The following LRBA variants were observed in gnomAD, a reference collection of about 807,000 sequenced individuals.
The protein encoded by LRBA is lipopolysaccharide-responsive and beige-like anchor protein.
LRBA carries 176 observed loss-of-function variants against 330.0 expected under a neutral mutation model. That is an observed-to-expected ratio of 0.53 (90% CI 0.47 to 0.60). LRBA has a LOEUF of 0.60. LRBA is among the 20% of genes least tolerant of loss of function. The pLI is 0.00. For missense variants in LRBA, 3,259 were observed against 3,444.8 expected (o/e 0.95, Z 1.35); for synonymous variants, 1,230 against 1,193.0 (o/e 1.03, Z -0.64).
chr4:150,952,669 G>A (rs1405248063), intron 2 of LRBA, among the ~76,000 whole-genome samples: 2 of 151,988 alleles, frequency 1.3e-5, no homozygotes, highest in African/African-American at 4.8e-5. Flanking sequence ...TGGGCGGGGT[G>A]GAGAGGGTTT....
At chr4:150,707,073 AG>A (rs1785700274) in intron 36 of LRBA, among the ~76,000 whole-genome samples, 3 of 151,774 alleles carry the variant, frequency 2.0e-5, no homozygotes, top group Admixed American at 2.0e-4. Flanking sequence ...ATACAAAGAA[AG>A]ATAGGAATAT....
intron 37 of LRBA, among the ~76,000 whole-genome samples, chr4:150,646,284 GATAA>G (rs1779130139): frequency 2.0e-5 from 3 of 152,118 alleles, no homozygotes; most frequent in Middle Eastern, 6.8e-3. Flanking sequence ...CAACGAGAAG[GATAA>G]ATAACAGTTA....
At chr4:150,506,005 C>T (rs1360435491) in intron 40 of LRBA, among the ~76,000 whole-genome samples, 2 of 152,200 alleles carry the variant, frequency 1.3e-5, no homozygotes, top group African/African-American at 4.8e-5. Flanking sequence ...TCGACACATA[C>T]ATCCTCCCAA....
rs535411671 is a variant in LRBA at position 150,630,083 on chromosome 4, G to C, written c.5922-30952C>G. Among the ~76,000 whole-genome samples, 5 of 152,264 alleles carry C rather than the reference G, an allele frequency of 3.3e-5. No individual in the cohort carries two copies. The South Asian group carries it at 1.0e-3, about 32-fold the overall frequency. On this transcript the variant is annotated intron_variant, in intron 37 of 56. Coordinates refer to ENST00000651943, the MANE Select transcript of LRBA (RefSeq NM_001364905.1). Reference sequence around the variant, plus strand: ...ACAGAATCACCCAAGCACAAAGCCTGTATATCATCTTTGAACCCTCCCTCT... The same window carrying C: ...ACAGAATCACCCAAGCACAAAGCCTCTATATCATCTTTGAACCCTCCCTCT...
chr4:150,680,641 TTTGGTC>T (rs1238628663), intron 37 of LRBA, among the ~76,000 whole-genome samples: 1 of 152,210 alleles, frequency 6.6e-6, no homozygotes, highest in East Asian at 1.9e-4. Flanking sequence ...GCAGATTTCA[TTTGGTC>T]TCTTTAGATG....
intron 35 of LRBA, among the ~76,000 whole-genome samples, chr4:150,747,388 C>G (rs961216967): frequency 7.9e-5 from 12 of 152,188 alleles, no homozygotes; most frequent in African/African-American, 2.7e-4. Flanking sequence ...ACAAATCTGT[C>G]TTCCATTTGA....
chr4:150,361,671 G>A (rs946246950), intron 47 of LRBA, among the ~76,000 whole-genome samples: 5 of 152,022 alleles, frequency 3.3e-5, no homozygotes, highest in African/African-American at 7.3e-5. Context: ...CTCTGCCTCT[G>A]GTATAACCCA....
chr4:150,456,627 T>A (rs1031570008), intron 44 of LRBA, among the ~76,000 whole-genome samples: 1 of 152,122 alleles, frequency 6.6e-6, no homozygotes, highest in African/African-American at 2.4e-5. Flanking sequence ...CTGTGGCTTG[T>A]CTCTTCAGTT....
At position 150,844,177 on chromosome 4, in the gene LRBA, A is replaced by T; in HGVS notation, c.4492T>A (p.Ser1498Thr). The T allele has an allele frequency of 6.2e-7, 1 of 1,609,236 alleles. No homozygotes were observed. Among genetic ancestry groups the T allele is most frequent in the Non-Finnish European group, 8.5e-7 (1 of 1,176,472 alleles). ...AGCCTGTCAAGATCTCTTACTGGAG[A>T]TATACCGCCAGTCACAATGTCCACT... Reference protein sequence around the residue: ...SPVDIVTGGISPVRDLDRLLQ... With the variant: ...SPVDIVTGGITPVRDLDRLLQ... Residue 1498 changes from serine (S) to threonine (T), a missense_variant, in exon 28 of 57, where the codon TCT (serine) becomes ACT (threonine). By Grantham distance (58) the Ser-to-Thr change is moderately conservative. Coordinates refer to ENST00000651943, the MANE Select transcript of LRBA (RefSeq NM_001364905.1).
intron 34 of LRBA, among the ~76,000 whole-genome samples, chr4:150,767,675 G>A (rs1735948255): frequency 6.6e-6 from 1 of 150,950 alleles, no homozygotes; most frequent in East Asian, 2.0e-4. Flanking sequence ...GGAGAATGGC[G>A]TGAACCCGGG....
At chr4:150,387,668 G>C (rs1044069960) in intron 47 of LRBA, among the ~76,000 whole-genome samples, 3 of 152,062 alleles carry the variant, frequency 2.0e-5, no homozygotes, top group Non-Finnish European at 4.4e-5. Context: ...AATTCTATAA[G>C]AATTCAAGGG....
intron 16 of LRBA, among the ~76,000 whole-genome samples, chr4:150,894,506 T>C (rs1047651396): frequency 6.6e-6 from 1 of 152,218 alleles, no homozygotes; most frequent in Non-Finnish European, 1.5e-5. Context: ...CATATACCAA[T>C]ATGTATGCAT....
rs763165188 is a variant in LRBA, at chr4:150,683,630, C to T, written c.5842G>A (p.Val1948Met). 1.5e-5 allele frequency: 24 copies of T among 1,613,196 alleles called. No individual in the cohort carries two copies. The highest frequency in any genetic ancestry group is 2.2e-5 in the East Asian group (1 of 44,870). The change falls in exon 37 of 57, where the codon GTG becomes ATG. Residue 1948 changes from valine (V) to methionine (M), a missense_variant. Coordinates refer to ENST00000651943, the MANE Select transcript of LRBA (RefSeq NM_001364905.1). ...TTCTGGATTAGTTGAGTTGCTGTCA[C>T]GTGGTCACGATATTTTGCTGCTCTT... The part of the protein sequence containing the change: ...LIRAAKYRDH[V>M]TATQLIQKII...
chr4:150,612,795 A>C (rs906488767), intron 37 of LRBA, among the ~76,000 whole-genome samples: 1 of 152,232 alleles, frequency 6.6e-6, no homozygotes, highest in Non-Finnish European at 1.5e-5. Context: ...AAAATAAGCA[A>C]ACAAAAAATT....
At chr4:150,769,486 G>A (rs1578724152) in intron 34 of LRBA, among the ~76,000 whole-genome samples, 1 of 152,260 alleles carries the variant, frequency 6.6e-6, no homozygotes. Flanking sequence ...CTAGACCCAG[G>A]AAGAGACAAA....
In LRBA at chr4:150,310,289, G is replaced by A. The variant is rs200700287; in HGVS notation, c.7789C>T (p.Arg2597Cys). The A allele has an allele frequency of 6.7e-5, 108 of 1,611,786 alleles. No individual in the cohort carries two copies. The highest frequency in any genetic ancestry group is 3.5e-4 in the Admixed American group (21 of 59,912). Residue 2597 changes from arginine (R) to cysteine (C), a missense_variant, in exon 52 of 57, where the codon CGC (arginine) becomes TGC (cysteine). Physicochemically the swap from Arg to Cys is radical, Grantham distance 180 (BLOSUM62 -3). Transcript: ENST00000651943. ...SQCFVITSDN[R>C]YILVCGFWDK... Reference sequence around the variant, plus strand: ...CAGAAGCCACAGACGAGAATATAGCGGTTGTCTGAAGTGATGACAAAGCAC... The same window carrying A: ...CAGAAGCCACAGACGAGAATATAGCAGTTGTCTGAAGTGATGACAAAGCAC...
intron 53 of LRBA, among the ~76,000 whole-genome samples, chr4:150,288,486 C>CT (rs1279647974): frequency 6.6e-6 from 1 of 151,964 alleles, no homozygotes; most frequent in East Asian, 2.0e-4. Context: ...GTGTGCACCT[C>CT]TAACAGGTAG....
intron 44 of LRBA, among the ~76,000 whole-genome samples, chr4:150,447,313 C>G (rs1000871427): frequency 2.0e-5 from 3 of 152,172 alleles, no homozygotes; most frequent in African/African-American, 7.2e-5. Flanking sequence ...AGCCTTTAAA[C>G]TGGTGGACAC....
intron 47 of LRBA, 137 bp downstream of exon 47, chr4:150,415,301 C>A: frequency 1.7e-6 from 1 of 576,810 alleles, no homozygotes; most frequent in African/African-American, 1.9e-5. Context: ...GATTCTTGAG[C>A]TATTATGTCA....
Sources: gnomAD v4.1 joint callset for allele counts (sites outside exome capture counted in the v4.1 genomes callset) on GRCh38, gnomAD v4.1.1 for gene constraint, MANE v1.5 for transcripts, NCBI Gene and HGNC (gene_info 2026-07-23, HGNC 2026-07-21) for gene names.